Variants in MICAL3 observed in about 807,000 individuals in gnomAD.
MICAL3 encodes the protein microtubule associated monooxygenase, calponin and LIM domain containing 3.
In MICAL3, 62 loss-of-function variants were observed where a neutral mutation model predicts 207.4. That is an observed-to-expected ratio of 0.30 (90% CI 0.24 to 0.37). The LOEUF is 0.37. Among genes scored for constraint, MICAL3 ranks in the 10% least tolerant of loss-of-function variants. MICAL3 has a pLI of 1.00. For synonymous variants in MICAL3, 1,077 were observed against 1,069.3 expected (o/e 1.01, Z -0.14); for missense variants, 2,368 against 2,635.6 (o/e 0.90, Z 2.22).
intron 1 of MICAL3, among the ~76,000 whole-genome samples, chr22:17,953,676 A>G (rs1017674500): frequency 6.6e-6 from 1 of 152,150 alleles, no homozygotes; most frequent in Admixed American, 6.5e-5. Flanking sequence ...CACGCCTGTA[A>G]TCCCAGCATT....
intron 1 of MICAL3, among the ~76,000 whole-genome samples, chr22:17,920,617 T>C (rs563969224): frequency 6.6e-6 from 1 of 152,286 alleles, no homozygotes; most frequent in South Asian, 2.1e-4. Flanking sequence ...TCTGCCGCTC[T>C]CAAAAAATTG....
intron 22 of MICAL3, among the ~76,000 whole-genome samples, 195 bp from the exon 23 acceptor site, chr22:17,823,255 A>G (rs1156239877): frequency 1.3e-5 from 2 of 152,176 alleles, no homozygotes; most frequent in Non-Finnish European, 2.9e-5. Context: ...CCCCAAACAC[A>G]GGAGGTGGGC....
chr22:17,843,569 ATGGACACCGAG>A (rs1203669472), intron 19 of MICAL3, among the ~76,000 whole-genome samples: 1 of 152,206 alleles, frequency 6.6e-6, no homozygotes, highest in Non-Finnish European at 1.5e-5. Flanking sequence ...CAGAGCCGTC[ATGGACACCGAG>A]TGACACGATG....
At chr22:17,984,729 G>A (rs1181883077) in intron 1 of MICAL3, among the ~76,000 whole-genome samples, 1 of 152,220 alleles carries the variant, frequency 6.6e-6, no homozygotes, top group Non-Finnish European at 1.5e-5. Context: ...TTATAGCACT[G>A]ACTCCATGGC....
rs140274557 is a variant in MICAL3 at position 17,841,403 on chromosome 22, T to C, written c.2801+419A>G. On this transcript the variant is annotated intron_variant, in intron 20 of 31. Coordinates refer to ENST00000441493, the MANE Select transcript of MICAL3 (RefSeq NM_015241.3). This position sits in a 1 kb window ranked among gnomAD's most constrained non-coding sequence, Gnocchi z 4.2. ...CACATTTTCAGTCCCTTTCTTTACC[T>C]ACAGGAGAAAAAAAGATGCCTGGGG... 6.3e-6 allele frequency: 2 copies of C among 317,064 alleles called. No homozygotes were observed. The highest frequency in any genetic ancestry group is 1.0e-4 in the East Asian group (2 of 19,592). 19.6% of individuals were successfully genotyped at this position (317,064 alleles called of 1,614,324 possible). A position where few individuals can be genotyped will look rare whatever the true frequency, so the allele number is the denominator to read the frequency against.
chr22:17,822,439 A>G (rs552922012), intron 23 of MICAL3, among the ~76,000 whole-genome samples: 2 of 152,350 alleles, frequency 1.3e-5, no homozygotes, highest in African/African-American at 2.4e-5. Context: ...ACAGTCACAC[A>G]TGATGGGCTG....
chr22:17,864,776 T>C, intron 19 of MICAL3, 123 bp downstream of exon 19: 1 of 1,613,922 alleles, frequency 6.2e-7, no homozygotes, highest in Non-Finnish European at 8.5e-7. Flanking sequence ...TCCAGAGGGT[T>C]TTGGGCCACT....
chr22:17,875,606 G>A, intron 16 of MICAL3: 1 of 1,037,214 alleles, frequency 9.6e-7, no homozygotes. Context: ...GTTAAATTAA[G>A]TCACACACTG....
Position 17,788,140 on chromosome 22 carries a change from G to A in MICAL3, c.*2592C>T, listed in dbSNP as rs573185934. On this transcript the variant is annotated 3_prime_UTR_variant, in exon 32 of 32. Coordinates refer to ENST00000441493, the MANE Select transcript of MICAL3 (RefSeq NM_015241.3). ...GAACGCTTGACGCAGGAAGTCACCAGAGTACTCAAGTCAACCGCAAACTAG... is the reference window on the plus strand; with the variant it reads ...GAACGCTTGACGCAGGAAGTCACCAAAGTACTCAAGTCAACCGCAAACTAG... 3 of 152,412 alleles carry A rather than the reference G, an allele frequency of 2.0e-5. No individual in the cohort carries two copies. Among genetic ancestry groups the A allele is most frequent in the Admixed American group, 2.0e-4 (3 of 15,310 alleles). The allele number at this position is 152,412 out of a possible 1,614,324, so 9.4% of individuals were successfully genotyped here.
At chr22:17,968,641 T>C (rs185238174) in intron 1 of MICAL3, among the ~76,000 whole-genome samples, 3 of 152,296 alleles carry the variant, frequency 2.0e-5, no homozygotes, top group Non-Finnish European at 4.4e-5. Flanking sequence ...CAAAGAGTGA[T>C]ATAATAATTA....
At chr22:17,798,994 ACTC>A in intron 29 of MICAL3, among the ~76,000 whole-genome samples, 1 of 151,676 alleles carries the variant, frequency 6.6e-6, no homozygotes. Context: ...TTTTTATTGA[ACTC>A]CTGTCGGAGA....
chr22:17,889,928 T>C (rs1174797365), intron 12 of MICAL3, among the ~76,000 whole-genome samples: 4 of 152,232 alleles, frequency 2.6e-5, no homozygotes, highest in African/African-American at 9.6e-5. Flanking sequence ...AGATTGCTCC[T>C]ACAGGCCTGG....
chr22:17,967,655 C>G (rs766200073), intron 1 of MICAL3, among the ~76,000 whole-genome samples: 1 of 152,188 alleles, frequency 6.6e-6, no homozygotes, highest in Non-Finnish European at 1.5e-5. Context: ...CGCCTGTAAT[C>G]CCAGCACTTT....
intron 27 of MICAL3, among the ~76,000 whole-genome samples, chr22:17,815,859 C>T (rs1195111310): frequency 6.6e-6 from 1 of 152,234 alleles, no homozygotes; most frequent in Non-Finnish European, 1.5e-5. Context: ...CACCAAGGCC[C>T]GCCCTGACTG....
At position 17,902,351 on chromosome 22, in the gene MICAL3, C is replaced by T. The variant is rs753672961; in HGVS notation, c.589+280G>A. ...AGTGAGCCAAGATTGAGCTACCGCA[C>T]TCCAGGCTAGGCGACAGAGTGAGAC... On this transcript the variant is annotated intron_variant, in intron 4 of 31. Coordinates refer to ENST00000441493, the MANE Select transcript of MICAL3 (RefSeq NM_015241.3). This position sits in a 1 kb window ranked among gnomAD's most constrained non-coding sequence, Gnocchi z 4.5. Among the ~76,000 whole-genome samples the T allele has an allele frequency of 6.6e-5, 10 of 152,238 alleles. No individual in the cohort carries two copies. The highest frequency in any genetic ancestry group is 1.0e-4 in the Non-Finnish European group (7 of 68,046).
At position 17,818,533 on chromosome 22, in the gene MICAL3, T is replaced by C. The variant is rs1023747729; in HGVS notation, c.4128A>G (p.Gly1376=). The change falls in exon 26 of 32, where the codon GGA becomes GGG. Residue 1376 remains glycine (G), a synonymous_variant. Coordinates refer to ENST00000441493, the MANE Select transcript of MICAL3 (RefSeq NM_015241.3). ...YSVEKSPQDE[G]LHLLKPLSIP... ...TGGACAGAGGCTTGAGAAGGTGGAG[T>C]CCCTCATCCTGGGGGGACTTTTCAA... The C allele has an allele frequency of 6.2e-7, 1 of 1,612,468 alleles. No individual in the cohort carries two copies. The highest frequency in any genetic ancestry group is 8.5e-7 in the Non-Finnish European group (1 of 1,179,582).
At position 17,952,622 on chromosome 22, in the gene MICAL3, C is replaced by T. The variant is rs111826159; in HGVS notation, c.-74-45736G>A. ...CAGCCAATCACGCGCTATAAAATAC[C>T]AAGCAGCTAATCATAAGCCATCTGA... On this transcript the variant is annotated intron_variant, in intron 1 of 31. Transcript: ENST00000441493. Among the ~76,000 whole-genome samples, 1,395 of 152,322 alleles carry T rather than the reference C, an allele frequency of 9.2e-3. 20 individuals are homozygous for T. Among genetic ancestry groups the T allele is most frequent in the African/African-American group, 0.032 (1,331 of 41,576 alleles).
chr22:17,815,518 C>T (rs1287167246), intron 27 of MICAL3: 1 of 152,322 alleles, frequency 6.6e-6, no homozygotes, highest in Non-Finnish European at 1.5e-5. Context: ...CTCAGCTCAG[C>T]CCCAGTGCAA....
At position 17,817,524 on chromosome 22, in the gene MICAL3, T is replaced by A. The variant is rs779133643; in HGVS notation, c.5137A>T (p.Lys1713Ter). ...FSPRRNKKEK[K>*]SKGEGRPPEK... ...GGGGGCCGGCCCTCGCCTTTGGACT[T>A]CTTCTCCTTCTTGTTTCTGCGGGGG... The change falls in exon 26 of 32, where the codon AAG becomes TAG. Residue 1713 changes from lysine to a stop codon, truncating the protein, a stop_gained. Transcript: ENST00000441493. LOFTEE classifies it high-confidence loss of function. The A allele has an allele frequency of 2.0e-5, 33 of 1,613,448 alleles. No homozygotes were observed. The highest frequency in any genetic ancestry group is 2.5e-5 in the Non-Finnish European group (30 of 1,179,802).
Sources: gnomAD v4.1 joint callset for allele counts (sites outside exome capture counted in the v4.1 genomes callset) on GRCh38, gnomAD v4.1.1 for gene constraint, Gnocchi (gnomAD v3.1) non-coding constraint, MANE v1.5 for transcripts, NCBI Gene and HGNC (gene_info 2026-07-23, HGNC 2026-07-21) for gene names.